Variants in WHRN observed in about 807,000 individuals in gnomAD.
WHRN encodes CASK-interacting protein CIP98.
In WHRN, 41 loss-of-function variants were observed where a neutral mutation model predicts 68.3. The observed-to-expected ratio is 0.60, with a 90% CI of 0.47 to 0.78. WHRN has a LOEUF of 0.78. WHRN is among the 30% of genes least tolerant of loss of function. WHRN has a pLI of 0.00. For synonymous variants in WHRN, 560 were observed against 561.3 expected (o/e 1.00, Z 0.03); for missense variants, 1,243 against 1,244.7 (o/e 1.00, Z 0.02).
At chr9:114,459,617 C>A (rs7868975) in intron 3 of WHRN, among the ~76,000 whole-genome samples, 119,618 of 152,096 alleles carry the variant, frequency 0.79, 47,315 homozygotes, top group East Asian at 0.97. Context: ...GAAGCCAGTA[C>A]GTGGAGGGAG....
chr9:114,459,160 A>G (rs980058618), intron 3 of WHRN, among the ~76,000 whole-genome samples: 2 of 152,164 alleles, frequency 1.3e-5, no homozygotes, highest in Non-Finnish European at 2.9e-5. Context: ...CAATTTATAG[A>G]TGGGTTAAGA....
At chr9:114,471,455 G>C (rs139486317) in intron 2 of WHRN, among the ~76,000 whole-genome samples, 182 of 152,242 alleles carry the variant, frequency 1.2e-3, no homozygotes, top group African/African-American at 4.1e-3. Flanking sequence ...TTTAACCAAT[G>C]CACCACACTG....
chr9:114,485,457 G>A (rs922627159), intron 1 of WHRN, among the ~76,000 whole-genome samples: 8 of 152,166 alleles, frequency 5.3e-5, no homozygotes, highest in African/African-American at 1.7e-4. Flanking sequence ...TTGGGAGGCC[G>A]AGGCGGGTGG....
intron 3 of WHRN, among the ~76,000 whole-genome samples, chr9:114,455,713 CAAA>C (rs34546424): frequency 0.28 from 34,865 of 123,304 alleles, 4,212 homozygotes; most frequent in Admixed American, 0.34. Context: ...GACCCTGTCT[CAAA>C]AAAAAAAAAA....
intron 7 of WHRN, 83 bp downstream of exon 7, chr9:114,423,231 G>A (rs757664825): frequency 7.6e-6 from 11 of 1,441,434 alleles, no homozygotes; most frequent in African/African-American, 2.8e-5. Flanking sequence ...GCTGGGATTC[G>A]AACTCAGGCT....
In WHRN at chr9:114,402,710, G is replaced by T; in HGVS notation, c.*44C>A. 2 of 1,611,310 alleles carry T rather than the reference G, an allele frequency of 1.2e-6. No individual in the cohort carries two copies. The highest frequency in any genetic ancestry group is 2.2e-5 in the South Asian group (2 of 90,944). On this transcript the variant is annotated 3_prime_UTR_variant, in exon 12 of 12. Coordinates refer to ENST00000362057, the MANE Select transcript of WHRN (RefSeq NM_015404.4). Reference sequence around the variant, plus strand: ...GAAGCCAACGGTGGAAAGGGACTGGGACCAGGGGCTGGGCAGTGGTGGGAG... The same window carrying T: ...GAAGCCAACGGTGGAAAGGGACTGGTACCAGGGGCTGGGCAGTGGTGGGAG...
intron 1 of WHRN, among the ~76,000 whole-genome samples, chr9:114,500,031 G>A (rs1843789676): frequency 1.3e-5 from 2 of 152,248 alleles, no homozygotes; most frequent in South Asian, 2.1e-4. Context: ...GATTTAAAGA[G>A]TAAATAACCA....
chr9:114,415,810 T>C (rs901635135), intron 7 of WHRN, among the ~76,000 whole-genome samples: 1 of 152,144 alleles, frequency 6.6e-6, no homozygotes, highest in Admixed American at 6.5e-5. Context: ...ACCCCGCTCA[T>C]GGATGGAGAA....
At chr9:114,501,698 T>C (rs1009338851) in intron 1 of WHRN, among the ~76,000 whole-genome samples, 13 of 151,926 alleles carry the variant, frequency 8.6e-5, no homozygotes, top group Non-Finnish European at 1.3e-4. Context: ...CTAAATGCAA[T>C]GTGGTATCCT....
At chr9:114,405,092 T>G (rs1834931997) in intron 9 of WHRN, among the ~76,000 whole-genome samples, 1 of 107,812 alleles carries the variant, frequency 9.3e-6, no homozygotes, top group Non-Finnish European at 2.1e-5. Context: ...TTTTTTTTTT[T>G]GAGACAGATT....
rs145510315 is a variant in WHRN at position 114,426,122 on chromosome 9, C to T, written c.1166+89G>A. On this transcript the variant is annotated intron_variant, in intron 4 of 11. Coordinates refer to ENST00000362057, the MANE Select transcript of WHRN (RefSeq NM_015404.4). Reference sequence around the variant, plus strand: ...GGGGACTGCAGGCTGAGAGGAGAGCCAGGGCGGTGGAGGGATGGGAGGCAG... The same window carrying T: ...GGGGACTGCAGGCTGAGAGGAGAGCTAGGGCGGTGGAGGGATGGGAGGCAG... The T allele has an allele frequency of 5.6e-5, 88 of 1,569,388 alleles. 1 individual carries two copies. In the African/African-American group the frequency reaches 1.1e-3, roughly 19 times the overall value.
intron 3 of WHRN, among the ~76,000 whole-genome samples, chr9:114,439,627 CACACACATAGATATATGTGTGT>C (rs1838191612): frequency 1.1e-5 from 1 of 89,266 alleles, no homozygotes; most frequent in Non-Finnish European, 3.3e-5. Flanking sequence ...TCTGTATGTA[CACACACATAGATATATGTGTGT>C]ACACACATGT....
intron 3 of WHRN, among the ~76,000 whole-genome samples, chr9:114,465,507 C>T (rs1397624193): frequency 1.3e-5 from 2 of 152,210 alleles, no homozygotes; most frequent in African/African-American, 4.8e-5. Flanking sequence ...CACTCCACAT[C>T]ACTGCTGCTG....
At chr9:114,483,292 AG>A in intron 1 of WHRN, among the ~76,000 whole-genome samples, 1 of 152,312 alleles carries the variant, frequency 6.6e-6, no homozygotes, top group Admixed American at 6.5e-5. Context: ...AGAATCCTGC[AG>A]GAACAGCTCC....
chr9:114,425,374 T>C, intron 4 of WHRN: 1 of 584,324 alleles, frequency 1.7e-6, no homozygotes, highest in East Asian at 2.8e-5. Flanking sequence ...CCTCAGGAGC[T>C]TAGGGGCCGG....
At chr9:114,403,374 C>T (rs571643265) in intron 10 of WHRN, 35 bp from the exon 11 acceptor site, 119 of 1,613,448 alleles carry the variant, frequency 7.4e-5, no homozygotes, top group East Asian at 4.0e-4. Flanking sequence ...CTGAGGCCTT[C>T]GCAGTTGGCA....
chr9:114,475,321 G>A (rs912029818), intron 2 of WHRN, among the ~76,000 whole-genome samples: 1 of 152,020 alleles, frequency 6.6e-6, no homozygotes, highest in African/African-American at 2.4e-5. Context: ...AGAACAACAT[G>A]GGAAGCCATA....
At chr9:114,460,786 G>A (rs1840181961) in intron 3 of WHRN, among the ~76,000 whole-genome samples, 1 of 152,194 alleles carries the variant, frequency 6.6e-6, no homozygotes, top group South Asian at 2.1e-4. Flanking sequence ...AAAGCAAAAG[G>A]CACATTTTCT....
chr9:114,478,743 A>G lies in WHRN; in HGVS notation c.647T>C (p.Leu216Pro), dbSNP rs776456422. 5.0e-6 allele frequency: 8 copies of G among 1,612,488 alleles called. No homozygotes were observed. The highest frequency in any genetic ancestry group is 6.8e-6 in the Non-Finnish European group (8 of 1,179,982). ...KALKGSKKLV[L>P]SVYSAGRIPG... ...GATGCGCCCTGCTGAGTACACAGAC[A>G]GCACCAGCTTCTTGGAGCCCTTCAG... The change falls in exon 2 of 12, where the codon CTG (leucine) becomes CCG (proline). Residue 216 changes from leucine (L) to proline (P), a missense_variant. By Grantham distance (98) the Leu-to-Pro change is moderately conservative. Transcript: ENST00000362057.
Sources: gnomAD v4.1 joint callset for allele counts (sites outside exome capture counted in the v4.1 genomes callset) on GRCh38, gnomAD v4.1.1 for gene constraint, MANE v1.5 for transcripts, NCBI Gene and HGNC (gene_info 2026-07-23, HGNC 2026-07-21) for gene names.